Variants in FAM220A observed in about 807,000 individuals in gnomAD.
FAM220A encodes the protein protein FAM220A.
For missense variants in FAM220A, 392 were observed against 321.6 expected (o/e 1.22, Z -1.68); for synonymous variants, 141 against 130.7 (o/e 1.08, Z -0.54).
chr7:6,341,366 C>T (rs1391050920), intron 1 of FAM220A, among the ~76,000 whole-genome samples: 2 of 151,284 alleles, frequency 1.3e-5, no homozygotes, highest in African/African-American at 4.9e-5. Context: ...TGGTGTGAAC[C>T]GGGAGGCGGA....
chr7:6,338,033 A>C (rs537246313), intron 1 of FAM220A, among the ~76,000 whole-genome samples: 57 of 152,108 alleles, frequency 3.7e-4, no homozygotes, highest in Non-Finnish European at 6.2e-4. Context: ...CGAACTCCTG[A>C]CCTCAGGTGA....
At chr7:6,332,725 G>T (rs920899694) in intron 1 of FAM220A, among the ~76,000 whole-genome samples, 3 of 152,134 alleles carry the variant, frequency 2.0e-5, no homozygotes, top group African/African-American at 7.2e-5. Context: ...AAATTAAAGA[G>T]CAGCAACACT....
intron 1 of FAM220A, among the ~76,000 whole-genome samples, chr7:6,346,469 C>T (rs917363309): frequency 6.6e-6 from 1 of 152,100 alleles, no homozygotes; most frequent in African/African-American, 2.4e-5. Flanking sequence ...CAGGCTCAAG[C>T]GATCCTCCCA....
chr7:6,334,065 A>G (rs972151799), intron 1 of FAM220A, among the ~76,000 whole-genome samples: 1 of 150,582 alleles, frequency 6.6e-6, no homozygotes, highest in South Asian at 2.2e-4. Flanking sequence ...CCAGGATGGA[A>G]TCTATCTCCT....
intron 1 of FAM220A, among the ~76,000 whole-genome samples, chr7:6,340,910 A>AT (rs1781840952): frequency 6.8e-6 from 1 of 147,478 alleles, no homozygotes; most frequent in Non-Finnish European, 1.5e-5. Context: ...AAAAAAAAAA[A>AT]AAAAAAATTA....
At chr7:6,337,786 T>C (rs1004200337) in intron 1 of FAM220A, among the ~76,000 whole-genome samples, 3 of 149,260 alleles carry the variant, frequency 2.0e-5, no homozygotes, top group Non-Finnish European at 4.4e-5. Flanking sequence ...TCAAAAAGAT[T>C]TCAATACATT....
chr7:6,348,890 G>C lies in FAM220A; in HGVS notation c.-399C>G, dbSNP rs1446398271. ...TAGACCGGCGGGCGGGCGGGCCGCAGTGGAGCGGAGTCCGCACGTCACGCT... is the reference window on the plus strand; with the variant it reads ...TAGACCGGCGGGCGGGCGGGCCGCACTGGAGCGGAGTCCGCACGTCACGCT... On this transcript the variant is annotated 5_prime_UTR_variant, in exon 1 of 2. Coordinates refer to ENST00000313324, the MANE Select transcript of FAM220A (RefSeq NM_001037163.2). 4 of 387,772 alleles carry C rather than the reference G, an allele frequency of 1.0e-5. No individual in the cohort carries two copies. Among genetic ancestry groups the C allele is most frequent in the East Asian group, 7.4e-5 (2 of 27,076 alleles). 24.0% of individuals were successfully genotyped at this position (387,772 alleles called of 1,614,324 possible). A position where few individuals can be genotyped will look rare whatever the true frequency, so the allele number is the denominator to read the frequency against.
At chr7:6,337,707 T>C (rs1299645693) in intron 1 of FAM220A, among the ~76,000 whole-genome samples, 11 of 151,810 alleles carry the variant, frequency 7.2e-5, no homozygotes, top group Admixed American at 7.2e-4. Context: ...TCAATCATGA[T>C]AGAATAAATT....
At chr7:6,341,374 G>A (rs1320461963) in intron 1 of FAM220A, among the ~76,000 whole-genome samples, 9 of 151,042 alleles carry the variant, frequency 6.0e-5, no homozygotes, top group South Asian at 2.1e-4. Context: ...ACCGGGAGGC[G>A]GAGCTTGCAG....
At chr7:6,333,077 A>C (rs907853817) in intron 1 of FAM220A, among the ~76,000 whole-genome samples, 21 of 151,892 alleles carry the variant, frequency 1.4e-4, no homozygotes, top group African/African-American at 4.8e-4. Flanking sequence ...GAATTGCGTG[A>C]ACCCGGGAGG....
chr7:6,332,061 G>C (rs185621314), intron 1 of FAM220A, among the ~76,000 whole-genome samples: 23 of 149,824 alleles, frequency 1.5e-4, no homozygotes, highest in Admixed American at 2.0e-4. Context: ...GCTGTGAGCC[G>C]AGATCATGCC....
chr7:6,331,898 G>A (rs1399022863), intron 1 of FAM220A, among the ~76,000 whole-genome samples: 1 of 151,874 alleles, frequency 6.6e-6, no homozygotes, highest in Non-Finnish European at 1.5e-5. Flanking sequence ...CTGCCACCAT[G>A]CCCAGCTAAT....
intron 1 of FAM220A, among the ~76,000 whole-genome samples, chr7:6,340,310 T>C (rs1247928879): frequency 2.0e-5 from 3 of 152,114 alleles, no homozygotes; most frequent in African/African-American, 7.2e-5. Flanking sequence ...GCAGCTACTA[T>C]CATCATCATG....
intron 1 of FAM220A, among the ~76,000 whole-genome samples, chr7:6,339,369 G>A (rs547752955): frequency 1.1e-4 from 16 of 152,132 alleles, no homozygotes; most frequent in Non-Finnish European, 1.6e-4. Flanking sequence ...TCAGGAGGTC[G>A]AGGTGGGAGG....
At chr7:6,338,184 C>G (rs1170113169) in intron 1 of FAM220A, among the ~76,000 whole-genome samples, 1 of 152,120 alleles carries the variant, frequency 6.6e-6, no homozygotes, top group African/African-American at 2.4e-5. Context: ...GACTGTTATA[C>G]ATATTACCTG....
chr7:6,348,174 T>A (rs1238064637), intron 1 of FAM220A, among the ~76,000 whole-genome samples: 2 of 147,984 alleles, frequency 1.4e-5, no homozygotes, highest in Middle Eastern at 3.4e-3. Flanking sequence ...CCTCCCAAAG[T>A]GCATTACAGG....
In FAM220A at chr7:6,348,780, GC is replaced by G. The variant is rs780978883; in HGVS notation, c.-290del. On this transcript the variant is annotated 5_prime_UTR_variant, in exon 1 of 2. Transcript: ENST00000313324. ...CCATATAGAGACCGGCGCTCCCACA[GC>G]CCCCCCGCCCGCCCTCTCCGCGCCG... 1,756 of 397,502 alleles carry G rather than the reference GC, an allele frequency of 4.4e-3. 8 individuals are homozygous for G. The highest frequency in any genetic ancestry group is 5.2e-3 in the Non-Finnish European group (1,172 of 225,320). The allele number at this position is 397,502 out of a possible 1,614,324, so 24.6% of individuals were successfully genotyped here.
rs761354046 is a variant in FAM220A at position 6,331,101 on chromosome 7, G to T, written c.54C>A (p.Ala18=). The change falls in exon 2 of 2, where the codon GCC becomes GCA. Residue 18 remains alanine, a synonymous_variant. Transcript: ENST00000313324. The part of the protein sequence containing the change: ...LGTCLAQVQQ[A]GGGDSDKLSC... ...ATAGTTTGTCCGAGTCACCTCCTCCGGCCTGCTGCACTTGTGCCAGGCAGG... is the reference window on the plus strand; with the variant it reads ...ATAGTTTGTCCGAGTCACCTCCTCCTGCCTGCTGCACTTGTGCCAGGCAGG... 6.2e-7 allele frequency: 1 copy of T among 1,613,268 alleles called. No individual in the cohort carries two copies. Among genetic ancestry groups the T allele is most frequent in the Non-Finnish European group, 8.5e-7 (1 of 1,180,008 alleles).
At position 6,338,985 on chromosome 7, in the gene FAM220A, C is replaced by A. The variant is rs1255012966; in HGVS notation, c.-81-7750G>T. Among the ~76,000 whole-genome samples the A allele has an allele frequency of 2.0e-5, 3 of 152,150 alleles. No individual in the cohort carries two copies. In the East Asian group the frequency reaches 5.8e-4, roughly 29 times the overall value. Reference sequence around the variant, plus strand: ...CCCTCAGGTGTGAACGCTAGCACACCTTAACTCACTGTGCTCATGGCCCAA... The same window carrying A: ...CCCTCAGGTGTGAACGCTAGCACACATTAACTCACTGTGCTCATGGCCCAA... On this transcript the variant is annotated intron_variant, in intron 1 of 1. Transcript: ENST00000313324.
Sources: gnomAD v4.1 joint callset for allele counts (sites outside exome capture counted in the v4.1 genomes callset) on GRCh38, gnomAD v4.1.1 for gene constraint, MANE v1.5 for transcripts, NCBI Gene and HGNC (gene_info 2026-07-23, HGNC 2026-07-21) for gene names.